EHMT1: variants seen among roughly 807,000 people sequenced by gnomAD.
The protein encoded by EHMT1 is histone-lysine N-methyltransferase EHMT1.
Under a neutral mutation model 147.2 loss-of-function variants are expected in EHMT1, and 15 were observed. The ratio of observed to expected loss-of-function variants is 0.10; its 90% CI spans 0.07 to 0.16. The LOEUF (loss-of-function observed/expected upper bound fraction) is 0.16. Among genes scored for constraint, EHMT1 ranks in the 10% least tolerant of loss-of-function variants. The probability of loss-of-function intolerance (pLI) is 1.00; values close to 1 mark genes in which losing one functional copy is unlikely to be tolerated. For missense variants in EHMT1, 1,587 were observed against 1,772.4 expected, an observed-to-expected ratio of 0.90 and a Z score of 1.88; for synonymous variants, 795 against 709.6, an observed-to-expected ratio of 1.12 and a Z score of -1.91.
At chr9:137,694,616 T>C (rs1588209841) in intron 1 of EHMT1, among the ~76,000 whole-genome samples, 1 of 152,326 alleles carries the variant, frequency 6.6e-6, no homozygotes, top group East Asian at 1.9e-4. Flanking sequence ...GTAGATGTTT[T>C]CCAGTTTCAC....
At chr9:137,723,009 T>C (rs112942178) in intron 3 of EHMT1, among the ~76,000 whole-genome samples, 7 of 85,456 alleles carry the variant, frequency 8.2e-5, no homozygotes, top group African/African-American at 5.1e-4. Context: ...TGTCTGTGTC[T>C]GTGGTTCTGG....
intron 18 of EHMT1, among the ~76,000 whole-genome samples, chr9:137,807,155 C>T (rs1195784934): frequency 6.6e-6 from 1 of 152,172 alleles, no homozygotes; most frequent in Non-Finnish European, 1.5e-5. Context: ...GTTTTCTGCC[C>T]ACCACGCTTT....
intron 1 of EHMT1, among the ~76,000 whole-genome samples, chr9:137,662,878 C>G (rs569830215): frequency 1.3e-5 from 2 of 152,200 alleles, no homozygotes; most frequent in Admixed American, 6.5e-5. Context: ...ACTGCAGCCT[C>G]TGCCTCCTGG....
chr9:137,667,415 C>G (rs1385403020), intron 1 of EHMT1: 1 of 152,210 alleles, frequency 6.6e-6, no homozygotes, highest in African/African-American at 2.4e-5. Context: ...GGTCAGGTAT[C>G]TGCTGGTTCT....
chr9:137,749,216 C>A (rs904272624), intron 6 of EHMT1, among the ~76,000 whole-genome samples: 2 of 152,188 alleles, frequency 1.3e-5, no homozygotes, highest in African/African-American at 2.4e-5. Flanking sequence ...TTTCCTGTTT[C>A]ACTTGGGTGT....
intron 10 of EHMT1, among the ~76,000 whole-genome samples, chr9:137,765,277 T>C (rs1950142130): frequency 6.6e-6 from 1 of 152,212 alleles, no homozygotes; most frequent in Non-Finnish European, 1.5e-5. Flanking sequence ...ATTGGCAGAA[T>C]AAATAGCTAC....
chr9:137,662,099 G>C (rs578154434), intron 1 of EHMT1, among the ~76,000 whole-genome samples: 2 of 152,294 alleles, frequency 1.3e-5, no homozygotes, highest in Non-Finnish European at 2.9e-5. Context: ...ACTGCGCCTG[G>C]CCAAGAAATC....
chr9:137,764,320 T>G (rs1369224840), intron 10 of EHMT1: 1 of 152,334 alleles, frequency 6.6e-6, no homozygotes, highest in Non-Finnish European at 1.5e-5. Flanking sequence ...CCCAGCGGGC[T>G]CCCTATGTGA....
intron 25 of EHMT1, among the ~76,000 whole-genome samples, chr9:137,822,100 TCCCCTGCC>T (rs1440539796): frequency 5.3e-5 from 8 of 152,220 alleles, no homozygotes; most frequent in Non-Finnish European, 8.8e-5. Flanking sequence ...TCCCTCCTTC[TCCCCTGCC>T]CATCCTGGTG....
intron 18 of EHMT1, among the ~76,000 whole-genome samples, chr9:137,807,342 C>T (rs976931279): frequency 4.6e-5 from 7 of 152,108 alleles, no homozygotes; most frequent in Admixed American, 3.9e-4. Context: ...TGAGCTCATC[C>T]GGTCTGTGTG....
At chr9:137,619,474 G>T (rs1370537719) in intron 1 of EHMT1, among the ~76,000 whole-genome samples, 3 of 152,072 alleles carry the variant, frequency 2.0e-5, no homozygotes, top group African/African-American at 7.2e-5. Flanking sequence ...TTGGAGCGCC[G>T]GCCGAGGCGA....
At position 137,798,182 on chromosome 9, in the gene EHMT1, T is replaced by C. The variant is rs533600903; in HGVS notation, c.2506-631T>C. Among the ~76,000 whole-genome samples the C allele has an allele frequency of 2.0e-5, 3 of 152,252 alleles. No individual in the cohort carries two copies. In the East Asian group the frequency reaches 5.8e-4, roughly 29 times the overall value. ...TCCCAGACCAAAGTGGGAGGATTGC[T>C]TGGGGTCAGGAGTTCAAAAACAGCC... On this transcript the variant is annotated intron_variant, in intron 16 of 26. Transcript: ENST00000460843.
At chr9:137,692,519 G>C (rs1943028332) in intron 1 of EHMT1, among the ~76,000 whole-genome samples, 1 of 152,006 alleles carries the variant, frequency 6.6e-6, no homozygotes, top group Non-Finnish European at 1.5e-5. Flanking sequence ...ACCCACCTCA[G>C]CCTCCCAAAG....
At chr9:137,620,120 G>A (rs1002640069) in intron 1 of EHMT1, 5 of 152,158 alleles carry the variant, frequency 3.3e-5, no homozygotes, top group Non-Finnish European at 1.5e-5. Context: ...GGGGGGTGTT[G>A]AAATAAGTAA....
intron 17 of EHMT1, 90 bp downstream of exon 17, chr9:137,799,004 C>A (rs1953204658): frequency 1.8e-6 from 2 of 1,089,870 alleles, no homozygotes; most frequent in Admixed American, 1.8e-5. Flanking sequence ...CCCCCATTCT[C>A]CATGGCGTCC....
chr9:137,649,965 G>A (rs1282231387), intron 1 of EHMT1, among the ~76,000 whole-genome samples: 1 of 152,234 alleles, frequency 6.6e-6, no homozygotes, highest in East Asian at 1.9e-4. Flanking sequence ...ACAATTGCAT[G>A]TCAAGCTACA....
At chr9:137,795,425 ACAC>A (rs1564776286) in intron 16 of EHMT1, among the ~76,000 whole-genome samples, 37 of 15,320 alleles carry the variant, frequency 2.4e-3, no homozygotes, top group Admixed American at 7.8e-3. Context: ...ACACACACAC[ACAC>A]TCTCACACTC....
chr9:137,826,682 C>T (rs1350963698), intron 25 of EHMT1, among the ~76,000 whole-genome samples: 9 of 152,208 alleles, frequency 5.9e-5, no homozygotes, highest in South Asian at 2.1e-4. Context: ...CGGGTGGAGC[C>T]GCAGCCCAGA....
intron 19 of EHMT1, 28 bp downstream of exon 19, chr9:137,811,643 GCTGGCGCTGACCTGAC>G (rs756805762): frequency 6.3e-7 from 1 of 1,599,100 alleles, no homozygotes; most frequent in Non-Finnish European, 8.5e-7. Context: ...CCCAGCGCGG[GCTGGCGCTGACCTGAC>G]CTGGGCGCCC....
Sources: gnomAD v4.1 joint callset for allele counts (sites outside exome capture counted in the v4.1 genomes callset) on GRCh38, gnomAD v4.1.1 for gene constraint, MANE v1.5 for transcripts, NCBI Gene and HGNC (gene_info 2026-07-23, HGNC 2026-07-21) for gene names.